The following SYN3 variants were observed in gnomAD, a reference collection of about 807,000 sequenced individuals.
The protein encoded by SYN3 is synapsin-3.
A neutral mutation model predicts 65.8 loss-of-function variants in SYN3; 35 were observed. The observed-to-expected ratio is 0.53, with a 90% CI of 0.41 to 0.70. The LOEUF (loss-of-function observed/expected upper bound fraction) is 0.70, where lower values mean the gene tolerates loss of function less well. SYN3 is among the 30% of genes least tolerant of loss of function. The pLI, the probability that SYN3 is intolerant of heterozygous loss-of-function variation, is 0.00. For synonymous variants in SYN3, 270 were observed against 292.9 expected (o/e 0.92, Z 0.80); for missense variants, 680 against 749.0 (o/e 0.91, Z 1.08).
At chr22:32,649,260 G>A (rs915598874) in intron 6 of SYN3, among the ~76,000 whole-genome samples, 1 of 152,194 alleles carries the variant, frequency 6.6e-6, no homozygotes, top group African/African-American at 2.4e-5. Context: ...TGGCTAGCTT[G>A]CTGGTCCACT....
At chr22:33,056,197 G>A (rs1467240568) in intron 1 of SYN3, among the ~76,000 whole-genome samples, 1 of 152,164 alleles carries the variant, frequency 6.6e-6, no homozygotes, top group African/African-American at 2.4e-5. Flanking sequence ...ATTATTAAAA[G>A]CTCCTCACAA....
rs1413012249 is a variant in SYN3 at position 32,762,503 on chromosome 22, GT to G, written c.711+102411del. The stretch of plus-strand genomic sequence containing the variant: ...AAAAGGACCAACAAGATAAAAGGTT[GT>G]GGTGGAAATGGTGCCAGATTAGAAA... On this transcript the variant is annotated intron_variant, in intron 6 of 13. Coordinates refer to ENST00000358763, the MANE Select transcript of SYN3 (RefSeq NM_003490.4). 6.6e-5 allele frequency among the ~76,000 whole-genome samples: 10 copies of G among 152,376 alleles called. No homozygotes were observed. The East Asian group carries it at 1.9e-3, about 29-fold the overall frequency.
intron 6 of SYN3, among the ~76,000 whole-genome samples, chr22:32,631,331 A>G (rs1025339725): frequency 6.6e-6 from 1 of 151,696 alleles, no homozygotes; most frequent in African/African-American, 2.4e-5. Flanking sequence ...AAAAACCCAG[A>G]AAAACCTGCA....
At chr22:32,992,376 A>G (rs2052743041) in intron 2 of SYN3, among the ~76,000 whole-genome samples, 1 of 152,184 alleles carries the variant, frequency 6.6e-6, no homozygotes, top group African/African-American at 2.4e-5. Flanking sequence ...GACTTTGCCA[A>G]TTAGATGAAT....
At chr22:32,626,061 T>C (rs2059661895) in intron 6 of SYN3, among the ~76,000 whole-genome samples, 1 of 152,078 alleles carries the variant, frequency 6.6e-6, no homozygotes, top group Non-Finnish European at 1.5e-5. Context: ...GTGTTTGAGA[T>C]GGACCTTGAA....
At chr22:32,654,580 T>C (rs131069) in intron 6 of SYN3, among the ~76,000 whole-genome samples, 95,252 of 151,940 alleles carry the variant, frequency 0.63, 30,210 homozygotes, top group East Asian at 0.75. Flanking sequence ...GAGGTACTTC[T>C]GTCTCTCTCC....
chr22:32,596,288 C>T (rs963555594), intron 7 of SYN3, among the ~76,000 whole-genome samples: 7 of 152,128 alleles, frequency 4.6e-5, no homozygotes, highest in Admixed American at 6.5e-5. Flanking sequence ...TTTAGAGCAG[C>T]GTGAGAATGG....
chr22:32,669,416 A>T (rs1399558082), intron 6 of SYN3, among the ~76,000 whole-genome samples: 2 of 152,086 alleles, frequency 1.3e-5, no homozygotes, highest in South Asian at 4.1e-4. Context: ...TTTGGTCCCA[A>T]CCTCCAAGTG....
chr22:32,541,838 G>C (rs2058261175), intron 7 of SYN3, 125 bp from the exon 8 acceptor site: 2 of 1,139,186 alleles, frequency 1.8e-6, no homozygotes, highest in Admixed American at 5.0e-5. Flanking sequence ...GCTGGCAGGG[G>C]AGACAGACAC....
chr22:33,045,616 T>C (rs1166165983), intron 1 of SYN3, among the ~76,000 whole-genome samples: 2 of 151,786 alleles, frequency 1.3e-5, no homozygotes, highest in African/African-American at 4.8e-5. Flanking sequence ...CGCCCGCCAC[T>C]ACACCCAGCT....
intron 7 of SYN3, among the ~76,000 whole-genome samples, chr22:32,587,558 T>C (rs1241888723): frequency 6.6e-6 from 1 of 152,168 alleles, no homozygotes; most frequent in East Asian, 1.9e-4. Context: ...TCCATTCCTC[T>C]ATTTGCTCAT....
Position 32,859,248 on chromosome 22 carries a change from C to T in SYN3, c.711+5667G>A, listed in dbSNP as rs2048466844. On this transcript the variant is annotated intron_variant, in intron 6 of 13. Coordinates refer to ENST00000358763, the MANE Select transcript of SYN3 (RefSeq NM_003490.4). ...ACGAGTGTCTCTGGACCGACATGCT[C>T]TCCAATTTCGGTTACCCTGGCTACC... 4 of 1,614,102 alleles carry T rather than the reference C, an allele frequency of 2.5e-6. No individual in the cohort carries two copies. In the South Asian group the frequency reaches 4.4e-5, roughly 18 times the overall value.
chr22:32,843,232 G>C (rs2047964708), intron 6 of SYN3, among the ~76,000 whole-genome samples: 2 of 152,206 alleles, frequency 1.3e-5, no homozygotes, highest in Non-Finnish European at 2.9e-5. Context: ...TGCACACGTT[G>C]CTTGGCACCT....
intron 13 of SYN3, among the ~76,000 whole-genome samples, chr22:32,515,838 A>G (rs1046034601): frequency 6.6e-6 from 1 of 151,370 alleles, no homozygotes; most frequent in Non-Finnish European, 1.5e-5. Flanking sequence ...TTGCTCTGTC[A>G]CCCAGGCTGG....
At chr22:32,596,934 A>G (rs955164149) in intron 6 of SYN3, among the ~76,000 whole-genome samples, 198 bp from the exon 7 acceptor site, 3 of 152,182 alleles carry the variant, frequency 2.0e-5, no homozygotes, top group African/African-American at 7.2e-5. Flanking sequence ...GGAAGCTCTG[A>G]GCTCTTAAGA....
intron 1 of SYN3, among the ~76,000 whole-genome samples, chr22:33,014,040 G>C (rs2053411028): frequency 6.7e-6 from 1 of 149,250 alleles, no homozygotes; most frequent in African/African-American, 2.5e-5. Context: ...GAGTAGCTGG[G>C]ACTACAGACG....
intron 7 of SYN3, among the ~76,000 whole-genome samples, chr22:32,572,243 C>CTCCTTCCTTCCTTCCTTCCT (rs796725900): frequency 2.4e-4 from 27 of 112,308 alleles, no homozygotes; most frequent in South Asian, 2.1e-3. Flanking sequence ...CAGATTCTGG[C>CTCCTTCCTTCCTTCCTTCCT]TCCTTCCTTC....
intron 7 of SYN3, among the ~76,000 whole-genome samples, chr22:32,545,088 G>A (rs1443430097): frequency 6.6e-6 from 1 of 152,214 alleles, no homozygotes; most frequent in African/African-American, 2.4e-5. Context: ...TGCCGTTAAA[G>A]GGCAGGGGAG....
intron 6 of SYN3, among the ~76,000 whole-genome samples, chr22:32,773,675 G>A (rs923223500): frequency 6.6e-6 from 1 of 152,164 alleles, no homozygotes; most frequent in African/African-American, 2.4e-5. Flanking sequence ...TGCACCCACT[G>A]GTCTATTGTA....
Sources: gnomAD v4.1 joint callset for allele counts (sites outside exome capture counted in the v4.1 genomes callset) on GRCh38, gnomAD v4.1.1 for gene constraint, MANE v1.5 for transcripts, NCBI Gene and HGNC (gene_info 2026-07-23, HGNC 2026-07-21) for gene names.